Variants in FHIT observed in about 807,000 individuals in gnomAD.
The protein encoded by FHIT is fragile histidine triad diadenosine triphosphatase, also known as bis(5'-adenosyl)-triphosphatase.
FHIT carries 19 observed loss-of-function variants against 17.9 expected under a neutral mutation model. That is an observed-to-expected ratio of 1.06 (90% CI 0.74 to 1.56). The LOEUF is 1.56. Ranked by LOEUF, FHIT falls within the 40% of genes most tolerant of loss-of-function variation. The pLI is 0.00. For missense variants in FHIT, 248 were observed against 189.2 expected, an observed-to-expected ratio of 1.31 and a Z score of -1.82; for synonymous variants, 81 against 69.7, an observed-to-expected ratio of 1.16 and a Z score of -0.81.
intron 5 of FHIT, among the ~76,000 whole-genome samples, chr3:60,114,693 C>T (rs954257444): frequency 6.6e-6 from 1 of 151,596 alleles, no homozygotes. Context: ...GAGGTGTCAC[C>T]GTCTTTGCCA....
At chr3:59,948,187 A>G (rs916537981) in intron 7 of FHIT, among the ~76,000 whole-genome samples, 2 of 151,978 alleles carry the variant, frequency 1.3e-5, no homozygotes, top group African/African-American at 4.8e-5. Flanking sequence ...GTTGGGTCCT[A>G]TGATAAGTAT....
intron 4 of FHIT, chr3:60,732,461 C>G (rs2042049510): frequency 1.4e-6 from 1 of 718,384 alleles, no homozygotes; most frequent in Non-Finnish European, 2.6e-6. Flanking sequence ...ACATATAAAC[C>G]CTGTAATAAT....
chr3:61,188,008 C>G (rs976528411), intron 2 of FHIT, among the ~76,000 whole-genome samples: 4 of 152,128 alleles, frequency 2.6e-5, no homozygotes, highest in Non-Finnish European at 5.9e-5. Context: ...ACCCTAACAT[C>G]ACAAATTAAA....
chr3:59,988,781 G>A (rs1709098477), intron 7 of FHIT, among the ~76,000 whole-genome samples: 1 of 152,112 alleles, frequency 6.6e-6, no homozygotes, highest in African/African-American at 2.4e-5. Flanking sequence ...TTCAGCAGAA[G>A]CAGAGGTTAA....
At chr3:60,441,754 A>ATATTTATATAT (rs1401129617) in intron 5 of FHIT, among the ~76,000 whole-genome samples, 5 of 46,380 alleles carry the variant, frequency 1.1e-4, no homozygotes, top group African/African-American at 3.9e-4. Context: ...TTATATATAT[A>ATATTTATATAT]AAAATATATA....
intron 8 of FHIT, among the ~76,000 whole-genome samples, chr3:59,894,607 A>G (rs560286862): frequency 1.3e-5 from 2 of 152,286 alleles, no homozygotes; most frequent in Non-Finnish European, 2.9e-5. Context: ...TGAATCAGTG[A>G]ACTGGATAGA....
rs2042050252 is a variant in FHIT at position 60,732,511 on chromosome 3, T to C, written c.-18+89408A>G. 4.5e-6 allele frequency: 3 copies of C among 670,046 alleles called. No individual in the cohort carries two copies. In the Admixed American group the frequency reaches 5.4e-5, roughly 12 times the overall value. The allele number at this position is 670,046 out of a possible 1,614,324, so 41.5% of individuals were successfully genotyped here. ...AACCCTCACACCCAAATCCTTTCTT[T>C]CCAGCGCTCAGAGCACGAAAGTTTT... On this transcript the variant is annotated intron_variant, in intron 4 of 9. Transcript: ENST00000492590.
Position 60,040,598 on chromosome 3 carries a change from T to C in FHIT, c.104-26446A>G, listed in dbSNP as rs115006791. 2.0e-3 allele frequency among the ~76,000 whole-genome samples: 302 copies of C among 152,282 alleles called. 3 individuals carry two copies. The highest frequency in any genetic ancestry group is 7.1e-3 in the African/African-American group (294 of 41,528). On this transcript the variant is annotated intron_variant, in intron 5 of 9. Transcript: ENST00000492590. ...CCCTTCTCCCAAGCCTGGTTCTGGC[T>C]CTCTCATGCTTCAGAATCTGTGAAA...
intron 7 of FHIT, among the ~76,000 whole-genome samples, chr3:59,946,221 A>T (rs753770823): frequency 6.6e-6 from 1 of 152,126 alleles, no homozygotes; most frequent in Non-Finnish European, 1.5e-5. Flanking sequence ...ATAATTCTCA[A>T]TGTAAAGATC....
chr3:61,156,573 T>C (rs1377383995), intron 2 of FHIT, among the ~76,000 whole-genome samples: 1 of 152,164 alleles, frequency 6.6e-6, no homozygotes, highest in East Asian at 1.9e-4. Context: ...ACACATGGTA[T>C]ACATTTAAAA....
At chr3:61,020,376 A>G (rs1054706311) in intron 3 of FHIT, among the ~76,000 whole-genome samples, 3 of 151,870 alleles carry the variant, frequency 2.0e-5, no homozygotes, top group African/African-American at 7.3e-5. Flanking sequence ...CCCACTTTTT[A>G]TGGGGTTGTT....
chr3:60,230,576 A>G (rs1704446327), intron 5 of FHIT, among the ~76,000 whole-genome samples: 1 of 152,238 alleles, frequency 6.6e-6, no homozygotes, highest in Admixed American at 6.5e-5. Flanking sequence ...CAGTTTTGAA[A>G]TGGATTCAAT....
intron 5 of FHIT, among the ~76,000 whole-genome samples, chr3:60,236,038 G>A (rs762996496): frequency 2.8e-4 from 43 of 151,762 alleles, no homozygotes; most frequent in Non-Finnish European, 5.6e-4. Context: ...TCTGCTGCAC[G>A]TAGTTCTCAC....
At position 60,027,148 on chromosome 3, in the gene FHIT, C is replaced by CACACACAA. The variant is rs1553654525; in HGVS notation, c.104-12997_104-12996insTTGTGTGT. 2.4e-5 allele frequency among the ~76,000 whole-genome samples: 3 copies of CACACACAA among 125,748 alleles called. 1 individual carries two copies. The highest frequency in any genetic ancestry group is 8.1e-5 in the African/African-American group (3 of 36,846). 82.5% of individuals were successfully genotyped at this position (125,748 alleles called of 152,430 possible). A position where few individuals can be genotyped will look rare whatever the true frequency, so the allele number is the denominator to read the frequency against. ...ACACACACACACACACACACACACACAAAATTAGTAAACCCAATAATCCAC... is the reference window on the plus strand; with the variant it reads ...ACACACACACACACACACACACACACACACACAAAAAATTAGTAAACCCAATAATCCAC... On this transcript the variant is annotated intron_variant, in intron 5 of 9. Coordinates refer to ENST00000492590, the MANE Select transcript of FHIT (RefSeq NM_002012.4).
intron 3 of FHIT, chr3:60,912,878 G>A: frequency 2.2e-6 from 1 of 450,726 alleles, no homozygotes; most frequent in Admixed American, 2.5e-5. Context: ...ACTCATCACT[G>A]GGTACTTCCA....
At chr3:60,231,225 A>G (rs912611220) in intron 5 of FHIT, among the ~76,000 whole-genome samples, 5 of 152,212 alleles carry the variant, frequency 3.3e-5, no homozygotes, top group Admixed American at 6.5e-5. Context: ...GTGTGTATAT[A>G]TGTGTGTATA....
chr3:60,773,943 T>C (rs182186587), intron 4 of FHIT, among the ~76,000 whole-genome samples: 176 of 152,360 alleles, frequency 1.2e-3, no homozygotes, highest in African/African-American at 4.1e-3. Context: ...ATTTCTTCTA[T>C]AGAATTAAAA....
At chr3:60,130,154 G>A (rs938554396) in intron 5 of FHIT, among the ~76,000 whole-genome samples, 2 of 152,174 alleles carry the variant, frequency 1.3e-5, no homozygotes, top group African/African-American at 2.4e-5. Flanking sequence ...AATCATTAAA[G>A]GTGCAAAGGG....
intron 5 of FHIT, among the ~76,000 whole-genome samples, chr3:60,142,290 G>T (rs1700070903): frequency 1.3e-5 from 2 of 152,124 alleles, no homozygotes; most frequent in African/African-American, 4.8e-5. Flanking sequence ...GTTGCTGTGG[G>T]AACTGAATTG....
Sources: gnomAD v4.1 joint callset for allele counts (sites outside exome capture counted in the v4.1 genomes callset) on GRCh38, gnomAD v4.1.1 for gene constraint, MANE v1.5 for transcripts, NCBI Gene and HGNC (gene_info 2026-07-23, HGNC 2026-07-21) for gene names.